DMD: variants seen among roughly 807,000 people sequenced by gnomAD.
DMD encodes dystrophin, also known as mutant dystrophin.
In DMD, 63 loss-of-function variants were observed where a neutral mutation model predicts 330.1. The observed-to-expected ratio is 0.19, with a 90% confidence interval of 0.16 to 0.24. The LOEUF (loss-of-function observed/expected upper bound fraction) is 0.24. Ranked by LOEUF, DMD falls within the 10% of genes least tolerant of loss-of-function variation. The pLI, the probability that DMD is intolerant of heterozygous loss-of-function variation, is 1.00. For synonymous variants in DMD, 1,223 were observed against 959.8 expected (o/e 1.27, Z -5.07); for missense variants, 3,344 against 2,684.1 (o/e 1.25, Z -5.43).
intron 1 of DMD, among the ~76,000 whole-genome samples, chrX:33,333,591 G>GA (rs1487466925): frequency 9.1e-6 from 1 of 110,232 alleles, no homozygotes; most frequent in East Asian, 2.8e-4. Flanking sequence ...TCTTTCCCTA[G>GA]AAAAAAAATG....
chrX:32,974,116 G>A (rs764869629), intron 2 of DMD, among the ~76,000 whole-genome samples: 1 of 111,675 alleles, frequency 9.0e-6, no homozygotes, highest in Non-Finnish European at 1.9e-5. Context: ...CAAATAAAAG[G>A]AATGAAAGAC....
In DMD at chrX:33,009,183, CGTATATAT is replaced by C. The variant is rs2093509812; in HGVS notation, c.93+10948_93+10955del. On this transcript the variant is annotated intron_variant, in intron 2 of 78. Coordinates refer to ENST00000357033, the MANE Select transcript of DMD (RefSeq NM_004006.3). ...ATATGTATATATATGTGTATATATA[CGTATATAT>C]GTATATATGTGTATATATACACATA... 1.4e-4 allele frequency among the ~76,000 whole-genome samples: 4 copies of C among 28,397 alleles called. 1 individual carries two copies. Among genetic ancestry groups the C allele is most frequent in the African/African-American group, 5.8e-4 (4 of 6,885 alleles). The allele number at this position is 28,397 out of a possible 115,157, so 24.7% of individuals were successfully genotyped here. A position where few individuals can be genotyped will look rare whatever the true frequency, so the allele number is the denominator to read the frequency against.
intron 12 of DMD, among the ~76,000 whole-genome samples, chrX:32,600,971 T>A (rs972791178): frequency 9.0e-6 from 1 of 111,428 alleles, no homozygotes; most frequent in African/African-American, 3.3e-5. Context: ...GAATTGACTT[T>A]TTTTCAAATA....
rs375329908 is a variant in DMD at position 32,464,630 on chromosome X, G to A, written c.3232C>T (p.Leu1078Phe). ...DVFLKEEWPA[L>F]GDSEILKKQL... is the part of the protein sequence containing the mutation. Reference sequence around the variant, plus strand: ...TTTTTTAGAATTTCTGAATCCCCAAGGGCAGGCCATTCCTCCTTCAGAAAA... The same window carrying A: ...TTTTTTAGAATTTCTGAATCCCCAAAGGCAGGCCATTCCTCCTTCAGAAAA... The change falls in exon 24 of 79, where the codon CTT becomes TTT. Residue 1078 changes from leucine (L) to phenylalanine (F), a missense_variant. Physicochemically the swap from Leu to Phe is conservative, Grantham distance 22. Transcript: ENST00000357033. 1.1e-5 allele frequency: 13 copies of A among 1,208,660 alleles called. No homozygotes were observed. The highest frequency in any genetic ancestry group is 7.0e-5 in the African/African-American group (4 of 57,028).
intron 11 of DMD, among the ~76,000 whole-genome samples, chrX:32,622,917 G>C (rs759151110): frequency 9.0e-6 from 1 of 111,661 alleles, no homozygotes; most frequent in East Asian, 2.8e-4. Flanking sequence ...ATCACACTTT[G>C]AATGACAACA....
rs2040850360 is a variant in DMD at position 31,178,929 on chromosome X, A to G, written c.10087-124T>C. On this transcript the variant is annotated intron_variant, in intron 69 of 78. Transcript: ENST00000357033. ...AAGGAGAGTGTTGTGGTTGTGAGCA[A>G]AGGCTTTGGAATCAGACAAATGGGG... 11 of 870,734 alleles carry G rather than the reference A, an allele frequency of 1.3e-5. No individual in the cohort carries two copies. In the East Asian group the frequency reaches 3.7e-4, roughly 29 times the overall value. The allele number at this position is 870,734 out of a possible 1,213,427, so 71.8% of individuals were successfully genotyped here.
intron 1 of DMD, among the ~76,000 whole-genome samples, chrX:33,173,104 T>C (rs773800259): frequency 3.6e-5 from 4 of 111,728 alleles, no homozygotes; most frequent in African/African-American, 1.3e-4. Flanking sequence ...ATACTTTTCC[T>C]ATACTTCAGT....
At chrX:32,450,606 T>C (rs1218072580) in intron 26 of DMD, among the ~76,000 whole-genome samples, 1 of 110,558 alleles carries the variant, frequency 9.0e-6, no homozygotes, top group Non-Finnish European at 1.9e-5. Flanking sequence ...GGATGTGTTT[T>C]GTTACCTCTA....
upstream of DMD, among the ~76,000 whole-genome samples, chrX:33,216,163 G>A (rs1450854320): frequency 1.8e-5 from 2 of 112,093 alleles, no homozygotes; most frequent in Non-Finnish European, 3.8e-5. Context: ...CCAAGAGCAT[G>A]AAATGTTTTG....
At chrX:32,584,736 TC>T (rs1213722972) in intron 13 of DMD, among the ~76,000 whole-genome samples, 1 of 112,115 alleles carries the variant, frequency 8.9e-6, no homozygotes, top group Admixed American at 9.5e-5. Flanking sequence ...GCATTATAAC[TC>T]AAGATACATG....
chrX:32,028,361 G>A (rs1204056527), intron 44 of DMD, among the ~76,000 whole-genome samples: 2 of 111,276 alleles, frequency 1.8e-5, no homozygotes, highest in East Asian at 5.7e-4. Context: ...GAAGATGCCA[G>A]GATGGAGGGA....
chrX:31,160,365 T>C (rs1049017572), intron 74 of DMD, among the ~76,000 whole-genome samples: 1 of 111,503 alleles, frequency 9.0e-6, no homozygotes, highest in African/African-American at 3.3e-5. Flanking sequence ...CTAGAGCATA[T>C]GAAAAGTTAC....
chrX:31,430,864 A>G (rs747576041), intron 60 of DMD, among the ~76,000 whole-genome samples: 33 of 87,820 alleles, frequency 3.8e-4, no homozygotes, highest in African/African-American at 2.8e-4. Flanking sequence ...GTGCAGTGGC[A>G]TGATCTCAGC....
At chrX:32,425,578 C>T (rs746175328) in intron 29 of DMD, among the ~76,000 whole-genome samples, 167 of 111,471 alleles carry the variant, frequency 1.5e-3, no homozygotes, top group Non-Finnish European at 2.8e-3. Flanking sequence ...TTTTCATCAT[C>T]ACAGATTTAT....
chrX:31,299,126 GA>G (rs1285258876), intron 62 of DMD, among the ~76,000 whole-genome samples: 1 of 111,532 alleles, frequency 9.0e-6, no homozygotes, highest in Non-Finnish European at 1.9e-5. Context: ...TTTACAAAAT[GA>G]AAACCCATTA....
intron 76 of DMD, among the ~76,000 whole-genome samples, chrX:31,135,125 G>A (rs1175346828): frequency 9.3e-6 from 1 of 106,981 alleles, no homozygotes; most frequent in Non-Finnish European, 1.9e-5. Flanking sequence ...GCTCTCTTTT[G>A]TGCCCCATTC....
intron 29 of DMD, 50 bp from the exon 30 acceptor site, chrX:32,411,963 C>G: frequency 8.4e-7 from 1 of 1,194,993 alleles, no homozygotes; most frequent in South Asian, 1.8e-5. Context: ...CTCTTGATAG[C>G]TTTTCTGTAA....
rs751084418 is a variant in DMD at position 32,745,389 on chromosome X, C to G, written c.650-46096G>C. On this transcript the variant is annotated intron_variant, in intron 7 of 78. Transcript: ENST00000357033. ...CACAGAACTCAGGAAATCCCTATAG[C>G]CTCCTTAGCTTCCATCTTTCTCTTG... is the stretch of plus-strand genomic sequence containing the variant. Among the ~76,000 whole-genome samples the G allele has an allele frequency of 2.3e-3, 256 of 112,151 alleles. 2 individuals are homozygous for G. Among genetic ancestry groups the G allele is most frequent in the African/African-American group, 8.0e-3 (246 of 30,943 alleles).
chrX:32,450,665 TCA>T (rs2098326314), intron 26 of DMD, among the ~76,000 whole-genome samples: 1 of 110,751 alleles, frequency 9.0e-6, no homozygotes, highest in Non-Finnish European at 1.9e-5. Context: ...GAAATCATCC[TCA>T]GAGTTATATC....
Sources: allele counts gnomAD v4.1 joint callset (sites outside exome capture counted in the v4.1 genomes callset), GRCh38; gene constraint gnomAD v4.1.1; transcripts MANE v1.5; gene names NCBI Gene and HGNC (gene_info 2026-07-23, HGNC 2026-07-21).